Variants in NFASC observed in about 807,000 individuals in gnomAD.
NFASC encodes the protein neurofascin homolog.
NFASC carries 43 observed loss-of-function variants against 147.5 expected under a neutral mutation model. The observed-to-expected ratio is 0.29, with a 90% CI of 0.23 to 0.38. The LOEUF (loss-of-function observed/expected upper bound fraction) is 0.38. Among genes scored for constraint, NFASC ranks in the 10% least tolerant of loss-of-function variants. The pLI, the probability that NFASC is intolerant of heterozygous loss-of-function variation, is 1.00. For missense variants in NFASC, 1,320 were observed against 1,689.0 expected (o/e 0.78, Z 3.83); for synonymous variants, 622 against 665.5 (o/e 0.93, Z 1.01).
chr1:204,839,751 C>A (rs1220198472), intron 1 of NFASC, among the ~76,000 whole-genome samples: 2 of 152,070 alleles, frequency 1.3e-5, no homozygotes, highest in Non-Finnish European at 2.9e-5. Flanking sequence ...ACTCTTTTTT[C>A]TTTTTGTCAC....
intron 2 of NFASC, among the ~76,000 whole-genome samples, chr1:204,934,765 G>A (rs1390316317): frequency 6.6e-6 from 1 of 152,242 alleles, no homozygotes; most frequent in Non-Finnish European, 1.5e-5. Flanking sequence ...TCGTGGTGGT[G>A]ACAGGCTAGG....
chr1:204,912,298 G>T (rs1331722945), intron 1 of NFASC, among the ~76,000 whole-genome samples: 1 of 151,888 alleles, frequency 6.6e-6, no homozygotes, highest in African/African-American at 2.4e-5. Flanking sequence ...CAGTGCTTTA[G>T]CTGTGTCCCT....
chr1:205,002,530 A>T (rs1558439446), intron 26 of NFASC, 66 bp from the exon 27 acceptor site: 2 of 1,306,914 alleles, frequency 1.5e-6, no homozygotes, highest in Non-Finnish European at 2.0e-6. Context: ...GGTGACCAGG[A>T]CCTAAGCACT....
intron 29 of NFASC, among the ~76,000 whole-genome samples, chr1:205,013,939 T>C (rs759788604): frequency 3.3e-5 from 5 of 152,190 alleles, no homozygotes; most frequent in Admixed American, 6.5e-5. Flanking sequence ...ACTGTCCACC[T>C]AGTCCCGACA....
At chr1:204,897,910 A>AT (rs1382439569) in intron 1 of NFASC, among the ~76,000 whole-genome samples, 1 of 151,860 alleles carries the variant, frequency 6.6e-6, no homozygotes, top group Non-Finnish European at 1.5e-5. Context: ...TAATTTGTGT[A>AT]TTTTTTTCAA....
intron 1 of NFASC, among the ~76,000 whole-genome samples, chr1:204,837,674 G>C (rs1406458297): frequency 6.6e-6 from 1 of 152,162 alleles, no homozygotes; most frequent in Non-Finnish European, 1.5e-5. Flanking sequence ...TCGCTGTCCA[G>C]AGTGCTGACC....
chr1:204,934,137 CAA>C (rs10633193), intron 2 of NFASC, among the ~76,000 whole-genome samples: 4 of 113,508 alleles, frequency 3.5e-5, no homozygotes, highest in African/African-American at 1.0e-4. Flanking sequence ...GACTCCATTT[CAA>C]AAAAAAAAAA....
chr1:204,977,604 T>C, intron 16 of NFASC, 77 bp from the exon 17 acceptor site: 2 of 1,411,670 alleles, frequency 1.4e-6, no homozygotes, highest in Non-Finnish European at 2.0e-6. Context: ...AAGCCTCGGC[T>C]GCCTACCCCC....
chr1:204,835,410 T>C (rs1354665917), intron 1 of NFASC, among the ~76,000 whole-genome samples: 1 of 152,034 alleles, frequency 6.6e-6, no homozygotes, highest in East Asian at 1.9e-4. Context: ...GTATTTTTTG[T>C]AGAGATGGGG....
At chr1:204,858,963 A>G (rs2076418708) in intron 1 of NFASC, among the ~76,000 whole-genome samples, 1 of 149,332 alleles carries the variant, frequency 6.7e-6, no homozygotes, top group Non-Finnish European at 1.5e-5. Context: ...TCCGCTATTC[A>G]GTTGAATGCA....
At position 205,018,221 on chromosome 1, in the gene NFASC, G is replaced by A. The variant is rs1246166950; in HGVS notation, c.*1682G>A. The A allele has an allele frequency of 6.6e-6, 1 of 152,532 alleles. No individual in the cohort carries two copies. The highest frequency in any genetic ancestry group is 1.5e-5 in the Non-Finnish European group (1 of 68,048). 9.4% of individuals were successfully genotyped at this position (152,532 alleles called of 1,614,324 possible). A position where few individuals can be genotyped will look rare whatever the true frequency, so the allele number is the denominator to read the frequency against. On this transcript the variant is annotated 3_prime_UTR_variant, in exon 30 of 30. Transcript: ENST00000339876. ...CAGCTGAGGTCAGTTTCAGGAGGGT[G>A]AAGCTGATCCCCAGGAATGGATCAG...
rs781466001 is a variant in NFASC at position 204,988,793 on chromosome 1, A to C, written c.2754A>C (p.Ala918=). 1.9e-6 allele frequency: 3 copies of C among 1,613,950 alleles called. No individual in the cohort carries two copies. In the Admixed American group the frequency reaches 5.0e-5, roughly 27 times the overall value. The change falls in exon 23 of 30, where the codon GCA becomes GCC. Residue 918 remains alanine, a synonymous_variant. Transcript: ENST00000339876. ...AAGCCGTCACAGAGGAGTCACCAGC[A>C]CCCCCGAATGAAGGTAGGTGCATGG... is the stretch of plus-strand genomic sequence containing the variant. The part of the protein sequence containing the change: ...SGEAVTEESP[A]PPNEATPTAA...
intron 27 of NFASC, among the ~76,000 whole-genome samples, chr1:205,007,154 GT>G (rs1339810920): frequency 3.6e-4 from 53 of 146,768 alleles, no homozygotes; most frequent in East Asian, 1.4e-3. Flanking sequence ...TTCCTCAAGG[GT>G]TTTTTTTTTT....
chr1:204,993,247 C>G (rs1243203017), intron 24 of NFASC, among the ~76,000 whole-genome samples: 3 of 152,200 alleles, frequency 2.0e-5, no homozygotes, highest in African/African-American at 7.2e-5. Flanking sequence ...TATCTGTAGT[C>G]TCTTAGGATT....
At chr1:204,991,168 A>G (rs1288743603) in intron 23 of NFASC, 124 bp from the exon 24 acceptor site, 1 of 1,176,212 alleles carries the variant, frequency 8.5e-7, no homozygotes. Context: ...CGCCGTCTGC[A>G]TAAGGTTTGG....
chr1:204,991,227 G>A, intron 23 of NFASC, 65 bp from the exon 24 acceptor site: 1 of 1,578,220 alleles, frequency 6.3e-7, no homozygotes, highest in Non-Finnish European at 8.7e-7. Flanking sequence ...CTTGTGCTCT[G>A]TTTTCTCTTC....
intron 1 of NFASC, among the ~76,000 whole-genome samples, chr1:204,833,354 T>C (rs575700318): frequency 2.6e-5 from 4 of 152,210 alleles, no homozygotes; most frequent in Non-Finnish European, 5.9e-5. Flanking sequence ...TGTTGAAGAT[T>C]ACAGAACAGG....
chr1:204,989,976 A>T (rs1245358476), intron 23 of NFASC: 1 of 152,250 alleles, frequency 6.6e-6, no homozygotes, highest in Non-Finnish European at 1.5e-5. Flanking sequence ...GCATTCCAGG[A>T]GAGCATCAGT....
At chr1:204,944,079 G>C in intron 2 of NFASC, 147 bp from the exon 3 acceptor site, 1 of 688,000 alleles carries the variant, frequency 1.5e-6, no homozygotes, top group South Asian at 1.7e-5. Flanking sequence ...CCACGTGTCA[G>C]TAGTGTTGAG....
Sources: allele counts gnomAD v4.1 joint callset (sites outside exome capture counted in the v4.1 genomes callset), GRCh38; gene constraint gnomAD v4.1.1; transcripts MANE v1.5; gene names NCBI Gene and HGNC (gene_info 2026-07-23, HGNC 2026-07-21).